PRKCE: variants seen among roughly 807,000 people sequenced by gnomAD.
PRKCE encodes protein kinase C epsilon, also known as protein kinase C epsilon type.
Under a neutral mutation model 85.4 loss-of-function variants are expected in PRKCE, and 16 were observed. That is an observed-to-expected ratio of 0.19 (90% CI 0.13 to 0.28). PRKCE has a LOEUF of 0.28. PRKCE is among the 10% of genes least tolerant of loss of function. The pLI, the probability that PRKCE is intolerant of heterozygous loss-of-function variation, is 1.00. For missense variants in PRKCE, 573 were observed against 975.2 expected, an observed-to-expected ratio of 0.59 and a Z score of 5.49; for synonymous variants, 388 against 371.5, an observed-to-expected ratio of 1.04 and a Z score of -0.51.
At chr2:45,710,687 G>C (rs183497392) in intron 1 of PRKCE, among the ~76,000 whole-genome samples, 3 of 152,230 alleles carry the variant, frequency 2.0e-5, no homozygotes, top group Non-Finnish European at 1.5e-5. Context: ...TTGGGGACTG[G>C]CTGTCACAGG....
At chr2:45,738,299 C>T (rs2104614830) in intron 1 of PRKCE, among the ~76,000 whole-genome samples, 1 of 152,204 alleles carries the variant, frequency 6.6e-6, no homozygotes, top group Middle Eastern at 3.4e-3. Flanking sequence ...TGGCATTTAC[C>T]CAGTCTTTCT....
chr2:45,771,903 G>A (rs370676898), intron 1 of PRKCE, among the ~76,000 whole-genome samples: 1 of 152,110 alleles, frequency 6.6e-6, no homozygotes, highest in Non-Finnish European at 1.5e-5. Flanking sequence ...TGTCATTCCA[G>A]CTTCCCGGTT....
chr2:45,835,351 A>G (rs1273222527), intron 1 of PRKCE, among the ~76,000 whole-genome samples: 1 of 152,176 alleles, frequency 6.6e-6, no homozygotes, highest in Non-Finnish European at 1.5e-5. Context: ...CAATGTCTAC[A>G]TTCATGGAGC....
intron 14 of PRKCE, among the ~76,000 whole-genome samples, chr2:46,178,765 G>A (rs78496414): frequency 2.3e-4 from 35 of 152,254 alleles, no homozygotes; most frequent in South Asian, 1.2e-3. Context: ...AATTATTTCC[G>A]GCCAATGAAC....
At chr2:45,840,086 C>G (rs961972975) in intron 1 of PRKCE, among the ~76,000 whole-genome samples, 4 of 152,160 alleles carry the variant, frequency 2.6e-5, no homozygotes, top group Non-Finnish European at 4.4e-5. Flanking sequence ...GCCCCGAAGC[C>G]CATCTCATTC....
At position 45,722,226 on chromosome 2, in the gene PRKCE, T is replaced by C. The variant is rs574964162; in HGVS notation, c.348+69778T>C. Among the ~76,000 whole-genome samples the C allele has an allele frequency of 6.6e-5, 10 of 152,320 alleles. No homozygotes were observed. In the South Asian group the frequency reaches 1.9e-3, roughly 28 times the overall value. ...TTTTTTGCAAATCTCTTTTTAATTT[T>C]TTAATTTAATTTAGTTTTTATTATT... On this transcript the variant is annotated intron_variant, in intron 1 of 14. Transcript: ENST00000306156.
intron 10 of PRKCE, among the ~76,000 whole-genome samples, chr2:46,067,472 C>T (rs967681234): frequency 6.6e-6 from 1 of 152,202 alleles, no homozygotes; most frequent in Admixed American, 6.5e-5. Context: ...TATGCTGTGG[C>T]CTGGCCTTTG....
intron 2 of PRKCE, among the ~76,000 whole-genome samples, chr2:45,844,004 C>T (rs1454308198): frequency 6.6e-6 from 1 of 152,196 alleles, no homozygotes; most frequent in Non-Finnish European, 1.5e-5. Context: ...AACACTTGGG[C>T]CTTTCACAAC....
At chr2:45,736,035 A>T (rs1476230909) in intron 1 of PRKCE, among the ~76,000 whole-genome samples, 5 of 152,120 alleles carry the variant, frequency 3.3e-5, no homozygotes, top group African/African-American at 1.2e-4. Context: ...ATCTCAGCTC[A>T]CTGCAACATC....
intron 11 of PRKCE, among the ~76,000 whole-genome samples, chr2:46,115,714 G>A (rs899872587): frequency 1.3e-5 from 2 of 152,202 alleles, no homozygotes; most frequent in African/African-American, 4.8e-5. Flanking sequence ...GTTTTAGATG[G>A]AAGCAAGATT....
chr2:45,939,175 C>A (rs1558860863), intron 2 of PRKCE, among the ~76,000 whole-genome samples: 2 of 152,186 alleles, frequency 1.3e-5, no homozygotes, highest in Non-Finnish European at 2.9e-5. Flanking sequence ...CACTTGGAGG[C>A]TTCAATAAGA....
chr2:45,961,586 T>C (rs1351791549), intron 2 of PRKCE, among the ~76,000 whole-genome samples: 2 of 152,172 alleles, frequency 1.3e-5, no homozygotes, highest in Non-Finnish European at 2.9e-5. Flanking sequence ...AGAGACCCCA[T>C]TTAGACTTTC....
intron 10 of PRKCE, among the ~76,000 whole-genome samples, chr2:46,061,998 G>T (rs926843709): frequency 1.3e-5 from 2 of 151,836 alleles, no homozygotes; most frequent in African/African-American, 4.8e-5. Context: ...AAGTAGCTGG[G>T]ATTACAGGCA....
At chr2:45,742,118 C>T (rs952855721) in intron 1 of PRKCE, among the ~76,000 whole-genome samples, 1 of 152,052 alleles carries the variant, frequency 6.6e-6, no homozygotes, top group Non-Finnish European at 1.5e-5. Context: ...CTATGTCAAA[C>T]TAAAAAGCTT....
chr2:45,732,616 C>T (rs1337234725), intron 1 of PRKCE, among the ~76,000 whole-genome samples: 1 of 152,084 alleles, frequency 6.6e-6, no homozygotes, highest in Non-Finnish European at 1.5e-5. Context: ...ATGCTGCTTC[C>T]TCCAGGAAGT....
Position 45,802,800 on chromosome 2 carries a change from G to A in PRKCE, c.349-40200G>A, listed in dbSNP as rs114081206. Among the ~76,000 whole-genome samples the A allele has an allele frequency of 7.1e-3, 1,074 of 152,278 alleles. 16 individuals carry two copies. The highest frequency in any genetic ancestry group is 0.025 in the African/African-American group (1,028 of 41,548). ...TCAAACTTTACTGTGAATTAAGATC[G>A]GTGGACATAGACGTATAAACATGCA... On this transcript the variant is annotated intron_variant, in intron 1 of 14. Transcript: ENST00000306156.
intron 1 of PRKCE, among the ~76,000 whole-genome samples, chr2:45,666,753 G>A (rs1485919738): frequency 6.6e-6 from 1 of 152,110 alleles, no homozygotes; most frequent in Non-Finnish European, 1.5e-5. Context: ...ACACAGAAGA[G>A]GTCTGTTCCT....
chr2:45,913,429 C>G (rs541297659), intron 2 of PRKCE, among the ~76,000 whole-genome samples: 1 of 152,228 alleles, frequency 6.6e-6, no homozygotes, highest in Non-Finnish European at 1.5e-5. Context: ...GGATTATAGG[C>G]GTGAGCCACC....
At chr2:46,115,072 A>G (rs1375217319) in intron 11 of PRKCE, among the ~76,000 whole-genome samples, 2 of 152,198 alleles carry the variant, frequency 1.3e-5, no homozygotes, top group African/African-American at 2.4e-5. Context: ...TCAGGCTGCT[A>G]TAGAATTGTT....
Sources: gnomAD v4.1 joint callset for allele counts (sites outside exome capture counted in the v4.1 genomes callset) on GRCh38, gnomAD v4.1.1 for gene constraint, MANE v1.5 for transcripts, NCBI Gene and HGNC (gene_info 2026-07-23, HGNC 2026-07-21) for gene names.